CASKIN1: variants seen among roughly 807,000 people sequenced by gnomAD.
CASKIN1 encodes the protein CASK interacting protein 1, also known as caskin-1.
A neutral mutation model predicts 117.5 loss-of-function variants in CASKIN1; 42 were observed. The ratio of observed to expected loss-of-function variants is 0.36; its 90% CI spans 0.28 to 0.46. The LOEUF (loss-of-function observed/expected upper bound fraction) is 0.46. Among genes scored for constraint, CASKIN1 ranks in the 20% least tolerant of loss-of-function variants. CASKIN1 has a pLI of 1.00. For synonymous variants in CASKIN1, 1,148 were observed against 961.7 expected, an observed-to-expected ratio of 1.19 and a Z score of -3.59; for missense variants, 2,083 against 2,077.3, an observed-to-expected ratio of 1.00 and a Z score of -0.05.
At position 2,182,134 on chromosome 16, in the gene CASKIN1, T is replaced by C. The variant is rs566751351; in HGVS notation, c.1630-205A>G. Among the ~76,000 whole-genome samples, 2 of 152,204 alleles carry C rather than the reference T, an allele frequency of 1.3e-5. No individual in the cohort carries two copies. Among genetic ancestry groups the C allele is most frequent in the Non-Finnish European group, 2.9e-5 (2 of 67,994 alleles). On this transcript the variant is annotated intron_variant, in intron 16 of 19. Transcript: ENST00000343516. This position sits in a 1 kb window ranked among gnomAD's most constrained non-coding sequence, Gnocchi z 4.1. The stretch of plus-strand genomic sequence containing the variant: ...CACTGCATGCCGCATATCGCACACA[T>C]GCGCACACACGCACGGCTGCCCACA...
Position 2,180,941 on chromosome 16 carries a change from C to A in CASKIN1, c.2427G>T (p.Gln809His). 1 of 1,463,690 alleles carries A rather than the reference C, an allele frequency of 6.8e-7. No homozygotes were observed. 90.7% of individuals were successfully genotyped at this position (1,463,690 alleles called of 1,614,324 possible). A position where few individuals can be genotyped will look rare whatever the true frequency, so the allele number is the denominator to read the frequency against. The change falls in exon 18 of 20, where the codon CAG (glutamine) becomes CAT (histidine). Residue 809 changes from glutamine to histidine, a missense_variant. This residue lies in a region of CASKIN1 where 1,818 missense variants were observed against 1,688.9 expected (regional missense o/e 1.08). Transcript: ENST00000343516. ...PATAKVKPTP[Q>H]LLPPTERPMS... ...TGGGGCGCTCTGTCGGCGGCAGCAGCTGCGGGGTGGGCTTCACCTTGGCCG... is the reference window on the plus strand; with the variant it reads ...TGGGGCGCTCTGTCGGCGGCAGCAGATGCGGGGTGGGCTTCACCTTGGCCG...
In CASKIN1 at chr16:2,178,617, C is replaced by T; in HGVS notation, c.4229G>A (p.Ser1410Asn). ...RDSAAEKSTG[S>N]ILDDIGSMFD... ...CATGCTGCCGATGTCGTCCAGGATGCTGCCAGTGCTCTTTTCCGCCGCCGA... is the reference window on the plus strand; with the variant it reads ...CATGCTGCCGATGTCGTCCAGGATGTTGCCAGTGCTCTTTTCCGCCGCCGA... The change falls in exon 20 of 20, where the codon AGC (serine) becomes AAC (asparagine). Residue 1410 changes from serine to asparagine, a missense_variant. By Grantham distance (46) the Ser-to-Asn change is conservative (BLOSUM62 1). Transcript: ENST00000343516. 1 of 1,596,192 alleles carries T rather than the reference C, an allele frequency of 6.3e-7. No individual in the cohort carries two copies. The highest frequency in any genetic ancestry group is 1.1e-5 in the South Asian group (1 of 90,004).
In CASKIN1 at chr16:2,181,320, G is replaced by T. The variant is rs772860113; in HGVS notation, c.2048C>A (p.Pro683Gln). The T allele has an allele frequency of 3.1e-6, 5 of 1,605,250 alleles. No homozygotes were observed. In the East Asian group the frequency reaches 8.9e-5, roughly 29 times the overall value. The change falls in exon 18 of 20, where the codon CCA becomes CAA. Residue 683 changes from proline (P) to glutamine (Q), a missense_variant. Coordinates refer to ENST00000343516, the MANE Select transcript of CASKIN1 (RefSeq NM_020764.4). Reference protein sequence around the residue: ...PTTEKPSSHLPPTPRATTRQD... With the variant: ...PTTEKPSSHLQPTPRATTRQD... ...CCGCGTGGTGGCCCTCGGGGTGGGT[G>T]GCAGGTGGCTGGAGGGCTTCTCAGT...
intron 1 of CASKIN1, 29 bp from the exon 2 acceptor site, chr16:2,190,387 G>A (rs1388083832): frequency 2.6e-6 from 4 of 1,557,660 alleles, no homozygotes; most frequent in Admixed American, 3.8e-5. Context: ...TCAGTGAGGG[G>A]AGGCTGTGCC....
In CASKIN1 at chr16:2,182,256, A is replaced by T. The variant is rs1310935712; in HGVS notation, c.1630-327T>A. On this transcript the variant is annotated intron_variant, in intron 16 of 19. Coordinates refer to ENST00000343516, the MANE Select transcript of CASKIN1 (RefSeq NM_020764.4). The surrounding 1 kb of genome is among the most constrained non-coding windows in gnomAD (Gnocchi z 4.1). ...CACCATGGGGAGACACACCCGAGTC[A>T]TGGACACAGACGCATGGGGCCACAC... Among the ~76,000 whole-genome samples, 1 of 152,120 alleles carries T rather than the reference A, an allele frequency of 6.6e-6. No homozygotes were observed.
intron 8 of CASKIN1, 40 bp downstream of exon 8, chr16:2,187,126 C>G: frequency 6.2e-7 from 1 of 1,612,818 alleles, no homozygotes; most frequent in Admixed American, 1.7e-5. Context: ...TGGCCCAGCC[C>G]CAGCCCCAGC....
chr16:2,178,685 G>T, intron 19 of CASKIN1, 39 bp from the exon 20 acceptor site: 2 of 1,533,924 alleles, frequency 1.3e-6, no homozygotes, highest in Non-Finnish European at 1.8e-6. Context: ...TGGGCGGGGC[G>T]GGTCTGGCCA....
Position 2,179,806 on chromosome 16 carries a change from G to A in CASKIN1, c.3562C>T (p.Pro1188Ser), listed in dbSNP as rs2093160610. 1.9e-6 allele frequency: 3 copies of A among 1,580,978 alleles called. No homozygotes were observed. The highest frequency in any genetic ancestry group is 2.7e-5 in the African/African-American group (2 of 74,520). Residue 1188 changes from proline (P) to serine (S), a missense_variant, in exon 18 of 20, where the codon CCT (proline) becomes TCT (serine). Around this residue, in one of 3 missense-constraint regions of CASKIN1, gnomAD observed 1,818 missense variants for 1,688.9 expected, o/e 1.08. Transcript: ENST00000343516. The surrounding 1 kb of genome is among the most constrained non-coding windows in gnomAD (Gnocchi z 5.8). ...RRRPASEQAG[P>S]PELPPPPPPA... The stretch of plus-strand genomic sequence containing the variant: ...GGGGGCGGTGGAGGCAGCTCCGGAG[G>A]CCCAGCCTGCTCCGAGGCCGGTCGG...
chr16:2,184,143 C>A (rs1252411143), intron 14 of CASKIN1, among the ~76,000 whole-genome samples: 2 of 151,590 alleles, frequency 1.3e-5, no homozygotes, highest in African/African-American at 2.4e-5. Context: ...GAGCATCCTC[C>A]ACCCTTCCGC....
At position 2,179,041 on chromosome 16, in the gene CASKIN1, CG is replaced by C. The variant is rs2093156687; in HGVS notation, c.4059del (p.Ala1354ProfsTer96). ...PRAAAAAAAA[A>X]AAPPAPPEGA... ...CCTTCGGGCGGGGCGGGGGGCGCGG[CG>C]GCGGCGGCGGCGGCGGCGGCGGCGG... On this transcript the variant is annotated frameshift_variant, in exon 19 of 20. Transcript: ENST00000343516. LOFTEE classifies it high-confidence loss of function. This position sits in a 1 kb window ranked among gnomAD's most constrained non-coding sequence, Gnocchi z 5.8. The C allele has an allele frequency of 1.0e-6, 1 of 982,502 alleles. No homozygotes were observed. The highest frequency in any genetic ancestry group is 1.0e-4 in the East Asian group (1 of 9,568). 60.9% of individuals were successfully genotyped at this position (982,502 alleles called of 1,614,324 possible).
At chr16:2,190,486 C>T in intron 1 of CASKIN1, 128 bp from the exon 2 acceptor site, 1 of 819,496 alleles carries the variant, frequency 1.2e-6, no homozygotes, top group Non-Finnish European at 2.0e-6. Context: ...TCTGCAGACA[C>T]TCACTCGTCC....
At chr16:2,178,684 C>A (rs753853475) in intron 19 of CASKIN1, 38 bp from the exon 20 acceptor site, 3 of 1,524,152 alleles carry the variant, frequency 2.0e-6, no homozygotes, top group Non-Finnish European at 2.7e-6. Context: ...GTGGGCGGGG[C>A]GGGTCTGGCC....
At chr16:2,195,975 G>T (rs903042807) in intron 1 of CASKIN1, among the ~76,000 whole-genome samples, 2 of 152,034 alleles carry the variant, frequency 1.3e-5, no homozygotes, top group East Asian at 3.9e-4. Flanking sequence ...GTGGTGGGTG[G>T]GGGGGGCATC....
chr16:2,192,308 A>T (rs979176111), intron 1 of CASKIN1, among the ~76,000 whole-genome samples: 10 of 151,836 alleles, frequency 6.6e-5, no homozygotes, highest in African/African-American at 2.2e-4. Flanking sequence ...GTCTCAAAAA[A>T]AAAAAAAGGA....
rs765430136 is a variant in CASKIN1 at position 2,180,878 on chromosome 16, G to A, written c.2490C>T (p.Arg830=). The A allele has an allele frequency of 4.9e-6, 7 of 1,426,144 alleles. No homozygotes were observed. Among genetic ancestry groups the A allele is most frequent in the Admixed American group, 3.2e-5 (1 of 31,288 alleles). The allele number at this position is 1,426,144 out of a possible 1,614,324, so 88.3% of individuals were successfully genotyped here. A position where few individuals can be genotyped will look rare whatever the true frequency, so the allele number is the denominator to read the frequency against. ...PRSLPQSPTH[R]GFAYVLPQPV... ...GCTGGGGCAGCACGTAGGCAAAGCCGCGGTGCGTCGGTGACTGAGGCAGGG... is the reference window on the plus strand; with the variant it reads ...GCTGGGGCAGCACGTAGGCAAAGCCACGGTGCGTCGGTGACTGAGGCAGGG... Residue 830 remains arginine (R), a synonymous_variant, in exon 18 of 20, where the codon CGC becomes CGT. Coordinates refer to ENST00000343516, the MANE Select transcript of CASKIN1 (RefSeq NM_020764.4).
At chr16:2,192,570 C>A (rs140565824) in intron 1 of CASKIN1, among the ~76,000 whole-genome samples, 6 of 152,168 alleles carry the variant, frequency 3.9e-5, no homozygotes, top group African/African-American at 1.4e-4. Context: ...TTTCCACATG[C>A]CCTGTGTGCA....
At position 2,183,648 on chromosome 16, in the gene CASKIN1, GT is replaced by G; in HGVS notation, c.1626del (p.Lys542AsnfsTer11). On this transcript the variant is annotated frameshift_variant, in exon 16 of 20. Coordinates refer to ENST00000343516, the MANE Select transcript of CASKIN1 (RefSeq NM_020764.4). LOFTEE classifies it high-confidence loss of function. Reference sequence around the variant, plus strand: ...CCCTGGGATGCAGGTGGCCTTACGGGTTTGTGCTCAGGCAGCCAGTCAGGGA... The same window carrying G: ...CCCTGGGATGCAGGTGGCCTTACGGGTTGTGCTCAGGCAGCCAGTCAGGGA... ...LSIPDWLPEH[K>X]PANLAVWLSM... 1 of 1,613,056 alleles carries G rather than the reference GT, an allele frequency of 6.2e-7. No homozygotes were observed. The highest frequency in any genetic ancestry group is 8.5e-7 in the Non-Finnish European group (1 of 1,179,880).
chr16:2,190,027 GCTGCCCCCGCCC>G, intron 3 of CASKIN1, 34 bp downstream of exon 3: 1 of 1,246,144 alleles, frequency 8.0e-7, no homozygotes, highest in Non-Finnish European at 1.2e-6. Context: ...AGCCCCCCTC[GCTGCCCCCGCCC>G]CTGCCCCCAC....
chr16:2,189,958 G>C, intron 3 of CASKIN1, 115 bp downstream of exon 3: 1 of 1,012,810 alleles, frequency 9.9e-7, no homozygotes, highest in Non-Finnish European at 1.5e-6. Context: ...GGACCTGCCT[G>C]AAATCAGACT....
Sources: gnomAD v4.1 joint callset for allele counts (sites outside exome capture counted in the v4.1 genomes callset) on GRCh38, gnomAD v4.1.1 for gene constraint, gnomAD v4.1.1 regional missense constraint, Gnocchi (gnomAD v3.1) non-coding constraint, MANE v1.5 for transcripts, NCBI Gene and HGNC (gene_info 2026-07-23, HGNC 2026-07-21) for gene names.